HECW1: variants seen among roughly 807,000 people sequenced by gnomAD.
HECW1 encodes HECT, C2 and WW domain containing E3 ubiquitin protein ligase 1, also known as E3 ubiquitin-protein ligase HECW1.
A neutral mutation model predicts 182.3 loss-of-function variants in HECW1; 61 were observed. The ratio of observed to expected loss-of-function variants is 0.33; its 90% confidence interval spans 0.27 to 0.41. The LOEUF (loss-of-function observed/expected upper bound fraction) is 0.41. Among genes scored for constraint, HECW1 ranks in the 10% least tolerant of loss-of-function variants. The probability of loss-of-function intolerance (pLI) is 1.00; values close to 1 mark genes in which losing one functional copy is unlikely to be tolerated. For synonymous variants in HECW1, 859 were observed against 832.6 expected (o/e 1.03, Z -0.55); for missense variants, 1,739 against 2,108.9 (o/e 0.82, Z 3.44).
chr7:43,242,573 C>T (rs1798988914), intron 2 of HECW1, among the ~76,000 whole-genome samples: 1 of 152,144 alleles, frequency 6.6e-6, no homozygotes, highest in African/African-American at 2.4e-5. Flanking sequence ...CGCAAAGCTC[C>T]AGTGGATGGG....
Position 43,550,609 on chromosome 7 carries a change from G to A in HECW1, c.4395+18G>A, listed in dbSNP as rs763747321. ...TCTACGAGGTGAGGCCCGGTGGCCTGGGGAAGGCAAGCTGTGGCCAGGGTG... is the reference window on the plus strand; with the variant it reads ...TCTACGAGGTGAGGCCCGGTGGCCTAGGGAAGGCAAGCTGTGGCCAGGGTG... On this transcript the variant is annotated intron_variant, in intron 27 of 29. Transcript: ENST00000395891. 8.2e-6 allele frequency: 13 copies of A among 1,583,638 alleles called. 1 individual carries two copies. The South Asian group carries it at 1.5e-4, about 18-fold the overall frequency.
chr7:43,550,867 G>T (rs762791629), intron 27 of HECW1, among the ~76,000 whole-genome samples: 1 of 152,236 alleles, frequency 6.6e-6, no homozygotes, highest in Non-Finnish European at 1.5e-5. Context: ...CGTGCCAGAC[G>T]TGAAAACATC....
chr7:43,332,034 C>A (rs1275649199), intron 5 of HECW1, among the ~76,000 whole-genome samples: 1 of 152,102 alleles, frequency 6.6e-6, no homozygotes, highest in East Asian at 1.9e-4. Flanking sequence ...ACGCAGGTGG[C>A]AGGTGCAAGA....
chr7:43,554,961 C>T (rs2304319), intron 29 of HECW1, among the ~76,000 whole-genome samples, 171 bp downstream of exon 29: 74,486 of 151,984 alleles, frequency 0.49, 18,799 homozygotes, highest in Non-Finnish European at 0.56. Context: ...GAGACTTGCA[C>T]TGAAACTATA....
chr7:43,142,299 A>G (rs1423271206), intron 2 of HECW1, among the ~76,000 whole-genome samples: 4 of 152,180 alleles, frequency 2.6e-5, no homozygotes, highest in Non-Finnish European at 5.9e-5. Context: ...TAAAATCAGC[A>G]CTTTTAAACA....
chr7:43,338,656 A>G (rs896448286), intron 5 of HECW1, among the ~76,000 whole-genome samples: 2 of 152,190 alleles, frequency 1.3e-5, no homozygotes, highest in African/African-American at 4.8e-5. Context: ...ACACACACAG[A>G]AAAGTGCACA....
At chr7:43,343,556 G>A (rs1433284380) in intron 5 of HECW1, among the ~76,000 whole-genome samples, 3 of 151,640 alleles carry the variant, frequency 2.0e-5, no homozygotes, top group Non-Finnish European at 2.9e-5. Flanking sequence ...TGAGAATGAT[G>A]TTTTCCAGCT....
chr7:43,457,364 G>C (rs899239447), intron 13 of HECW1, among the ~76,000 whole-genome samples: 1 of 152,196 alleles, frequency 6.6e-6, no homozygotes, highest in African/African-American at 2.4e-5. Flanking sequence ...AGTTGAGAAA[G>C]ACGAAAAAGA....
intron 27 of HECW1, 57 bp downstream of exon 27, chr7:43,550,648 C>A: frequency 1.3e-6 from 2 of 1,513,296 alleles, no homozygotes; most frequent in Non-Finnish European, 1.8e-6. Context: ...CTTCACGGGG[C>A]CTCATCCTCC....
At chr7:43,455,319 C>A (rs1023366204) in intron 12 of HECW1, among the ~76,000 whole-genome samples, 1 of 152,142 alleles carries the variant, frequency 6.6e-6, no homozygotes, top group Admixed American at 6.5e-5. Context: ...CTTATCAAAA[C>A]GCTGTTTTGA....
intron 3 of HECW1, among the ~76,000 whole-genome samples, chr7:43,273,065 A>G (rs113543455): frequency 6.6e-6 from 1 of 152,246 alleles, no homozygotes; most frequent in African/African-American, 2.4e-5. Flanking sequence ...AAATTAGTGC[A>G]GGAACAGAAA....
At chr7:43,302,923 A>ACACACC (rs1442208835) in intron 3 of HECW1, among the ~76,000 whole-genome samples, 1 of 145,328 alleles carries the variant, frequency 6.9e-6, no homozygotes, top group Non-Finnish European at 1.5e-5. Flanking sequence ...CACACACCAC[A>ACACACC]CACACCCACA....
chr7:43,519,863 T>C (rs1349431342), intron 24 of HECW1, among the ~76,000 whole-genome samples: 1 of 152,142 alleles, frequency 6.6e-6, no homozygotes, highest in Non-Finnish European at 1.5e-5. Flanking sequence ...TAGAGATATG[T>C]AAATATAAAT....
intron 3 of HECW1, among the ~76,000 whole-genome samples, chr7:43,247,766 A>T (rs1799535237): frequency 1.1e-5 from 1 of 93,046 alleles, no homozygotes; most frequent in Non-Finnish European, 2.3e-5. Flanking sequence ...AGGGAAAGAG[A>T]GGAAAAAAGA....
rs372005698 is a variant in HECW1, at chr7:43,479,689, A to G, written c.3179A>G (p.Asn1060Ser). The change falls in exon 17 of 30, where the codon AAT (asparagine) becomes AGT (serine). Residue 1060 changes from asparagine (N) to serine (S), a missense_variant. Asn to Ser is a conservative substitution (Grantham distance 46, BLOSUM62 1). Transcript: ENST00000395891. ...RIPLQNGRLP[N>S]HLTHRQHLQR... ...CCTCTTCAGAACGGTCGTCTTCCCA[A>G]TCATCTAACTCACCGACAGCACCTC... 8.1e-6 allele frequency: 13 copies of G among 1,613,858 alleles called. No individual in the cohort carries two copies. Among genetic ancestry groups the G allele is most frequent in the African/African-American group, 5.3e-5 (4 of 74,846 alleles).
At chr7:43,500,143 C>G (rs2152923647) in intron 19 of HECW1, among the ~76,000 whole-genome samples, 1 of 151,922 alleles carries the variant, frequency 6.6e-6, no homozygotes, top group East Asian at 1.9e-4. Context: ...CTCTGTCGCC[C>G]AGGCTGGAGT....
intron 13 of HECW1, among the ~76,000 whole-genome samples, chr7:43,462,294 C>G (rs10276793): frequency 0.027 from 4,081 of 152,164 alleles, 82 homozygotes; most frequent in East Asian, 0.094. Flanking sequence ...CCCCCAGCTG[C>G]TCTCCACAGC....
At chr7:43,221,979 C>A (rs564563170) in intron 2 of HECW1, among the ~76,000 whole-genome samples, 1 of 152,180 alleles carries the variant, frequency 6.6e-6, no homozygotes, top group Non-Finnish European at 1.5e-5. Context: ...AGTGTCCTCA[C>A]CTGGTAGCTC....
chr7:43,526,901 C>T lies in HECW1; in HGVS notation c.4020-14262C>T, dbSNP rs543272777. 8.1e-4 allele frequency among the ~76,000 whole-genome samples: 124 copies of T among 152,220 alleles called. 1 individual carries two copies. The highest frequency in any genetic ancestry group is 2.8e-3 in the African/African-American group (115 of 41,528). Reference sequence around the variant, plus strand: ...GTCCCTGCTACTCGGGAGACTAAGGCGAGAGGATCACTTAACCCAGGAGGT... The same window carrying T: ...GTCCCTGCTACTCGGGAGACTAAGGTGAGAGGATCACTTAACCCAGGAGGT... On this transcript the variant is annotated intron_variant, in intron 24 of 29. Coordinates refer to ENST00000395891, the MANE Select transcript of HECW1 (RefSeq NM_015052.5).
Sources: allele counts gnomAD v4.1 joint callset (sites outside exome capture counted in the v4.1 genomes callset), GRCh38; gene constraint gnomAD v4.1.1; transcripts MANE v1.5; gene names NCBI Gene and HGNC (gene_info 2026-07-23, HGNC 2026-07-21).